TARS3: variants seen among roughly 807,000 people sequenced by gnomAD.
TARS3 encodes the protein threonine--tRNA ligase 2, cytoplasmic.
In TARS3, 94 loss-of-function variants were observed where a neutral mutation model predicts 103.5. That is an observed-to-expected ratio of 0.91 (90% CI 0.77 to 1.08). The LOEUF (loss-of-function observed/expected upper bound fraction) is 1.08, where lower values mean the gene tolerates loss of function less well. Among genes scored for constraint, TARS3 ranks in the 50% least tolerant of loss-of-function variants. The probability of loss-of-function intolerance (pLI) is 0.00; values close to 1 mark genes in which losing one functional copy is unlikely to be tolerated. For missense variants in TARS3, 952 were observed against 995.2 expected, an observed-to-expected ratio of 0.96 and a Z score of 0.58; for synonymous variants, 416 against 355.4, an observed-to-expected ratio of 1.17 and a Z score of -1.92.
intron 10 of TARS3, among the ~76,000 whole-genome samples, chr15:101,689,780 T>C (rs1898630569): frequency 6.6e-6 from 1 of 152,192 alleles, no homozygotes; most frequent in African/African-American, 2.4e-5. Flanking sequence ...TTCTGTTGTT[T>C]TAAGTCACCT....
At chr15:101,715,300 C>CGG (rs1220052132) in intron 3 of TARS3, among the ~76,000 whole-genome samples, 48 of 151,348 alleles carry the variant, frequency 3.2e-4, no homozygotes, top group Non-Finnish European at 5.0e-4. Flanking sequence ...GCGCCCGCCA[C>CGG]TACGCGCGGC....
At chr15:101,655,107 C>G (rs111604182) in intron 18 of TARS3, among the ~76,000 whole-genome samples, 3 of 139,360 alleles carry the variant, frequency 2.2e-5, no homozygotes, top group Admixed American at 7.3e-5. Flanking sequence ...CAGGCTCACA[C>G]TGACCCCACC....
At chr15:101,705,566 A>G (rs1179955149) in intron 7 of TARS3, 117 bp downstream of exon 7, 3 of 767,250 alleles carry the variant, frequency 3.9e-6, no homozygotes, top group Non-Finnish European at 6.6e-6. Context: ...TAACTACGGT[A>G]GATTATCAAC....
At position 101,686,017 on chromosome 15, in the gene TARS3, T is replaced by C. The variant is rs1898459440; in HGVS notation, c.1366A>G (p.Met456Val). 2 of 1,613,388 alleles carry C rather than the reference T, an allele frequency of 1.2e-6. No individual in the cohort carries two copies. The highest frequency in any genetic ancestry group is 2.2e-5 in the East Asian group (1 of 44,880). Reference protein sequence around the residue: ...RDFTEVLSPNMYNSKLWEASG... With the variant: ...RDFTEVLSPNVYNSKLWEASG... ...GCTTCCCAGAGTTTACTGTTGTACA[T>C]ATTGGGAGAGAGCACCTCCGTGAAG... The change falls in exon 11 of 19, where the codon ATG (methionine) becomes GTG (valine). Residue 456 changes from methionine (M) to valine (V), a missense_variant. Coordinates refer to ENST00000335968, the MANE Select transcript of TARS3 (RefSeq NM_152334.3).
At chr15:101,660,856 G>A (rs1420546750) in intron 16 of TARS3, among the ~76,000 whole-genome samples, 1 of 152,206 alleles carries the variant, frequency 6.6e-6, no homozygotes, top group African/African-American at 2.4e-5. Context: ...TTAACAGAAT[G>A]GGTCCTCTTG....
chr15:101,669,917 A>G (rs1007649172), intron 15 of TARS3, among the ~76,000 whole-genome samples: 6 of 152,246 alleles, frequency 3.9e-5, no homozygotes, highest in Non-Finnish European at 8.8e-5. Flanking sequence ...ATCCAAAGGC[A>G]AGTCGATGGT....
At chr15:101,715,526 C>T (rs74498725) in intron 3 of TARS3, among the ~76,000 whole-genome samples, 1 of 152,216 alleles carries the variant, frequency 6.6e-6, no homozygotes, top group Non-Finnish European at 1.5e-5. Flanking sequence ...TATCATAAAT[C>T]ACTACTTATA....
intron 1 of TARS3, 52 bp from the exon 2 acceptor site, chr15:101,723,216 A>T: frequency 6.5e-7 from 1 of 1,537,856 alleles, no homozygotes; most frequent in Non-Finnish European, 9.0e-7. Context: ...AAAGCAACAC[A>T]TTTTAAGAAG....
intron 18 of TARS3, among the ~76,000 whole-genome samples, chr15:101,655,647 A>G (rs1234424477): frequency 2.1e-5 from 3 of 143,898 alleles, no homozygotes; most frequent in African/African-American, 8.2e-5. Context: ...TAGGGCGCAA[A>G]TGAGAGCGGG....
intron 3 of TARS3, among the ~76,000 whole-genome samples, chr15:101,720,158 C>A (rs967775437): frequency 7.9e-5 from 12 of 152,142 alleles, no homozygotes; most frequent in African/African-American, 2.9e-4. Flanking sequence ...TAGGATGAAT[C>A]AGAAATACAA....
intron 3 of TARS3, 49 bp from the exon 4 acceptor site, chr15:101,715,012 G>T (rs2141451428): frequency 2.6e-6 from 4 of 1,533,564 alleles, no homozygotes; most frequent in South Asian, 2.6e-5. Context: ...CTGTTACAAT[G>T]ATTCCTTAAA....
Position 101,661,782 on chromosome 15 carries a change from T to TG in TARS3, c.2001dup (p.Ile668HisfsTer43). ...ACTGATCCCAAAATGGCTCGATGAA[T>TG]GATCACAGGTCTCTTCTTATCATCC... On this transcript the variant is annotated frameshift_variant, in exon 16 of 19. Coordinates refer to ENST00000335968, the MANE Select transcript of TARS3 (RefSeq NM_152334.3). LOFTEE classifies it high-confidence loss of function. 6.2e-7 allele frequency: 1 copy of TG among 1,607,552 alleles called. No homozygotes were observed.
intron 5 of TARS3, among the ~76,000 whole-genome samples, chr15:101,711,626 T>C (rs957557202): frequency 6.6e-6 from 1 of 152,236 alleles, no homozygotes; most frequent in Non-Finnish European, 1.5e-5. Context: ...CAGTATATGA[T>C]ACACCTAAGA....
At position 101,701,144 on chromosome 15, in the gene TARS3, C is replaced by T. The variant is rs1479080997; in HGVS notation, c.1262G>A (p.Ser421Asn). The change falls in exon 10 of 19, where the codon AGC (serine) becomes AAC (asparagine). Residue 421 changes from serine (S) to asparagine (N), a missense_variant. Ser to Asn is a conservative substitution (Grantham distance 46). Coordinates refer to ENST00000335968, the MANE Select transcript of TARS3 (RefSeq NM_152334.3). ...GGCTCCTCTGGGAAGGAAAAAACAG[C>T]TTCCAGGACTCAAATCGTGGAAAAA... ...LFFFHDLSPG[S>N]CFFLPRGAFI... The T allele has an allele frequency of 1.3e-6, 2 of 1,598,140 alleles. No individual in the cohort carries two copies. Among genetic ancestry groups the T allele is most frequent in the Non-Finnish European group, 1.7e-6 (2 of 1,175,612 alleles).
At chr15:101,707,274 T>C (rs1189350695) in intron 6 of TARS3, among the ~76,000 whole-genome samples, 1 of 152,312 alleles carries the variant, frequency 6.6e-6, no homozygotes, top group Non-Finnish European at 1.5e-5. Context: ...CCAAACGGTA[T>C]GGCGAGTTCT....
chr15:101,690,759 A>T (rs1309685220), intron 10 of TARS3, among the ~76,000 whole-genome samples: 1 of 152,156 alleles, frequency 6.6e-6, no homozygotes, highest in African/African-American at 2.4e-5. Context: ...TCTGCAGTAA[A>T]GTTTTTTTCT....
chr15:101,684,338 C>T, intron 11 of TARS3, 101 bp from the exon 12 acceptor site: 1 of 1,168,320 alleles, frequency 8.6e-7, no homozygotes, highest in Non-Finnish European at 1.1e-6. Flanking sequence ...GATTCATAAA[C>T]TCCTTATTCT....
chr15:101,674,674 C>T (rs1007883136), intron 13 of TARS3, among the ~76,000 whole-genome samples: 5 of 151,968 alleles, frequency 3.3e-5, no homozygotes, highest in East Asian at 1.9e-4. Flanking sequence ...GGTGTGGTGG[C>T]GGGGGCCTAT....
At chr15:101,658,786 CTCTGTA>C (rs1897273373) in intron 16 of TARS3, among the ~76,000 whole-genome samples, 1 of 152,034 alleles carries the variant, frequency 6.6e-6, no homozygotes, top group South Asian at 2.1e-4. Context: ...TGCTGGACTT[CTCTGTA>C]TAACTTCTTT....
Sources: gnomAD v4.1 joint callset for allele counts (sites outside exome capture counted in the v4.1 genomes callset) on GRCh38, gnomAD v4.1.1 for gene constraint, MANE v1.5 for transcripts, NCBI Gene and HGNC (gene_info 2026-07-23, HGNC 2026-07-21) for gene names.